Variants in SLC16A12 observed in about 807,000 individuals in gnomAD.
The protein encoded by SLC16A12 is solute carrier family 16 member 12.
SLC16A12 carries 17 observed loss-of-function variants against 42.4 expected under a neutral mutation model. The observed-to-expected ratio is 0.40, with a 90% CI of 0.27 to 0.60. SLC16A12 has a LOEUF of 0.60. Among genes scored for constraint, SLC16A12 ranks in the 20% least tolerant of loss-of-function variants. The pLI is 0.42. For synonymous variants in SLC16A12, 224 were observed against 229.4 expected (o/e 0.98, Z 0.21); for missense variants, 544 against 623.0 (o/e 0.87, Z 1.35).
chr10:89,459,274 C>T (rs775789616), intron 3 of SLC16A12, among the ~76,000 whole-genome samples: 1 of 151,784 alleles, frequency 6.6e-6, no homozygotes, highest in Admixed American at 6.6e-5. Context: ...TAAGAAGTTG[C>T]CCATGTTAAG....
At chr10:89,544,906 A>C (rs1229995563) in intron 2 of SLC16A12, among the ~76,000 whole-genome samples, 1 of 152,206 alleles carries the variant, frequency 6.6e-6, no homozygotes, top group African/African-American at 2.4e-5. Flanking sequence ...CTCATTCCAC[A>C]AAGAACCAGG....
At chr10:89,554,087 A>AAGGAAGGAAGGAAGGAAG (rs1843790266) in intron 2 of SLC16A12, among the ~76,000 whole-genome samples, 12 of 34,234 alleles carry the variant, frequency 3.5e-4, no homozygotes, top group Non-Finnish European at 5.1e-4. Flanking sequence ...AAAGAAAGAA[A>AAGGAAGGAAGGAAGGAAG]GAAAGAAAGA....
intron 2 of SLC16A12, among the ~76,000 whole-genome samples, chr10:89,545,102 G>A (rs1843735443): frequency 6.6e-6 from 1 of 152,050 alleles, no homozygotes; most frequent in South Asian, 2.1e-4. Flanking sequence ...GAGGACATTT[G>A]GGGCCAACCT....
chr10:89,465,204 A>G, intron 2 of SLC16A12, among the ~76,000 whole-genome samples: 1 of 152,240 alleles, frequency 6.6e-6, no homozygotes, highest in East Asian at 1.9e-4. Flanking sequence ...ATAATGAAGC[A>G]GCAGAAATGG....
At chr10:89,475,354 G>C (rs573022049) in intron 2 of SLC16A12, among the ~76,000 whole-genome samples, 3 of 152,310 alleles carry the variant, frequency 2.0e-5, no homozygotes, top group African/African-American at 7.2e-5. Flanking sequence ...GAACGTGGGA[G>C]GGAAGTTAAG....
intron 2 of SLC16A12, among the ~76,000 whole-genome samples, chr10:89,531,985 C>T (rs1305594339): frequency 6.6e-6 from 1 of 152,190 alleles, no homozygotes; most frequent in Non-Finnish European, 1.5e-5. Context: ...AATGTCCTCT[C>T]TTCCATACCA....
At chr10:89,451,080 GC>G (rs1842089612) in intron 3 of SLC16A12, among the ~76,000 whole-genome samples, 1 of 152,220 alleles carries the variant, frequency 6.6e-6, no homozygotes, top group Admixed American at 6.5e-5. Flanking sequence ...CAGGCAGGAA[GC>G]TTTTATAGCC....
intron 2 of SLC16A12, among the ~76,000 whole-genome samples, chr10:89,551,346 G>A (rs1843769579): frequency 6.6e-6 from 1 of 152,128 alleles, no homozygotes; most frequent in African/African-American, 2.4e-5. Flanking sequence ...GGGAGGCTGA[G>A]GCATGAGAAT....
intron 6 of SLC16A12, among the ~76,000 whole-genome samples, chr10:89,436,702 T>C (rs1390865923): frequency 6.6e-6 from 1 of 151,618 alleles, no homozygotes; most frequent in Non-Finnish European, 1.5e-5. Flanking sequence ...TCTTTTGGCT[T>C]CCCTGGGCCA....
Position 89,462,522 on chromosome 10 carries a change from C to T in SLC16A12, c.57G>A (p.Leu19=), listed in dbSNP as rs1463969441. Residue 19 remains leucine (L), a synonymous_variant, in exon 3 of 8, where the codon TTG becomes TTA. Transcript: ENST00000371790. ...TTTTTTCTTCTTTTCCAGGTTGCTC[C>T]AACAGCCAAGTTATGATCTTGGAAG... ...ANSSKIITWL[L]EQPGKEEKRK... The T allele has an allele frequency of 1.2e-6, 2 of 1,613,468 alleles. No individual in the cohort carries two copies. The highest frequency in any genetic ancestry group is 1.3e-5 in the African/African-American group (1 of 74,964).
Position 89,449,587 on chromosome 10 carries a change from T to C in SLC16A12, c.201-5728A>G, listed in dbSNP as rs540055952. 7.2e-5 allele frequency among the ~76,000 whole-genome samples: 11 copies of C among 152,200 alleles called. No individual in the cohort carries two copies. The East Asian group carries it at 7.7e-4, about 11-fold the overall frequency. ...AAGCTGAAACTGGATCCCTTCCTTATACCTTATACAAAAATTAATTCAAGA... is the reference window on the plus strand; with the variant it reads ...AAGCTGAAACTGGATCCCTTCCTTACACCTTATACAAAAATTAATTCAAGA... On this transcript the variant is annotated intron_variant, in intron 3 of 7. Transcript: ENST00000371790.
At chr10:89,531,306 G>T (rs1564601718) in intron 2 of SLC16A12, among the ~76,000 whole-genome samples, 5 of 152,068 alleles carry the variant, frequency 3.3e-5, no homozygotes. Context: ...GGCTGAGGTG[G>T]GAAAATTACT....
At position 89,462,543 on chromosome 10, in the gene SLC16A12, G is replaced by A. The variant is rs1161411009; in HGVS notation, c.36C>T (p.Ser12=). The A allele has an allele frequency of 3.1e-6, 5 of 1,612,184 alleles. No homozygotes were observed. Among genetic ancestry groups the A allele is most frequent in the Admixed American group, 3.3e-5 (2 of 59,882 alleles). Residue 12 remains serine, a synonymous_variant, in exon 3 of 8, where the codon TCC becomes TCT. Transcript: ENST00000371790. ...PSGSHWTANS[S]KIITWLLEQP... is the part of the protein sequence containing the mutation. ...GCTCCAACAGCCAAGTTATGATCTT[G>A]GAAGAGTTTGCTGTCCAGTGACTTC...
At chr10:89,540,427 T>G (rs2133883650), upstream of SLC16A12, among the ~76,000 whole-genome samples, 1 of 152,266 alleles carries the variant, frequency 6.6e-6, no homozygotes, top group African/African-American at 2.4e-5. Context: ...TCATCTTTTT[T>G]TGTTCCTCTT....
At chr10:89,468,478 C>T (rs950583909) in intron 2 of SLC16A12, among the ~76,000 whole-genome samples, 1 of 152,142 alleles carries the variant, frequency 6.6e-6, no homozygotes, top group African/African-American at 2.4e-5. Context: ...TGTCCATCTG[C>T]TCTGAGATTT....
At chr10:89,491,468 T>C (rs1842845904) in intron 2 of SLC16A12, among the ~76,000 whole-genome samples, 1 of 151,436 alleles carries the variant, frequency 6.6e-6, no homozygotes, top group Non-Finnish European at 1.5e-5. Flanking sequence ...TTGTGCCCTA[T>C]TTTCCTAATC....
chr10:89,518,118 G>A (rs1224538394), intron 2 of SLC16A12, among the ~76,000 whole-genome samples: 1 of 152,154 alleles, frequency 6.6e-6, no homozygotes, highest in Non-Finnish European at 1.5e-5. Flanking sequence ...AATAAATGCA[G>A]GCACAGGAAA....
intron 2 of SLC16A12, among the ~76,000 whole-genome samples, chr10:89,527,601 G>A (rs193029412): frequency 1.4e-4 from 21 of 151,402 alleles, no homozygotes; most frequent in African/African-American, 5.1e-4. Context: ...TTTAAGTCCA[G>A]CCTGGAAAAA....
chr10:89,496,725 C>T (rs1412185213), intron 2 of SLC16A12, among the ~76,000 whole-genome samples: 2 of 152,136 alleles, frequency 1.3e-5, no homozygotes, highest in African/African-American at 4.8e-5. Context: ...AATTCTAAAA[C>T]AGGGTTCAAA....
Sources: allele counts gnomAD v4.1 joint callset (sites outside exome capture counted in the v4.1 genomes callset), GRCh38; gene constraint gnomAD v4.1.1; transcripts MANE v1.5; gene names NCBI Gene and HGNC (gene_info 2026-07-23, HGNC 2026-07-21).